Variants in FAM83B observed in about 807,000 individuals in gnomAD.
FAM83B encodes protein FAM83B.
In FAM83B, 26 loss-of-function variants were observed where a neutral mutation model predicts 38.8. That is an observed-to-expected ratio of 0.67 (90% CI 0.49 to 0.93). The LOEUF is 0.93. Among genes scored for constraint, FAM83B ranks in the 40% least tolerant of loss-of-function variants. FAM83B has a pLI of 0.00. For missense variants in FAM83B, 1,237 were observed against 1,197.3 expected (o/e 1.03, Z -0.49); for synonymous variants, 419 against 423.1 (o/e 0.99, Z 0.12).
intron 2 of FAM83B, among the ~76,000 whole-genome samples, chr6:54,923,236 T>C (rs1375373995): frequency 6.6e-6 from 1 of 152,114 alleles, no homozygotes; most frequent in Non-Finnish European, 1.5e-5. Context: ...AATCCTTTAA[T>C]ATCTAATGTT....
chr6:54,902,393 A>G (rs938060609), intron 2 of FAM83B, among the ~76,000 whole-genome samples: 5 of 152,122 alleles, frequency 3.3e-5, no homozygotes, highest in Non-Finnish European at 5.9e-5. Context: ...GACTCTGCCA[A>G]CTTCTACAGG....
At chr6:54,865,451 A>G (rs1321331478) in intron 1 of FAM83B, among the ~76,000 whole-genome samples, 1 of 151,986 alleles carries the variant, frequency 6.6e-6, no homozygotes, top group Non-Finnish European at 1.5e-5. Flanking sequence ...ATCTGCAAAG[A>G]CCCTATTTCC....
intron 2 of FAM83B, among the ~76,000 whole-genome samples, chr6:54,921,706 G>T (rs903221140): frequency 2.0e-5 from 3 of 151,902 alleles, no homozygotes; most frequent in Non-Finnish European, 4.4e-5. Flanking sequence ...ATAGATTGAT[G>T]TACCTTTTGA....
At chr6:54,848,178 G>T (rs957132384) in intron 1 of FAM83B, among the ~76,000 whole-genome samples, 1 of 152,136 alleles carries the variant, frequency 6.6e-6, no homozygotes, top group Admixed American at 6.5e-5. Context: ...ATGATGGAAG[G>T]TTGGGAGTGC....
At chr6:54,885,926 C>G (rs1772264319) in intron 2 of FAM83B, among the ~76,000 whole-genome samples, 2 of 151,364 alleles carry the variant, frequency 1.3e-5, no homozygotes, top group Admixed American at 6.6e-5. Context: ...ATGTAACAAA[C>G]CCGCACGTTG....
chr6:54,857,062 T>A (rs953297428), intron 1 of FAM83B, among the ~76,000 whole-genome samples: 1 of 152,192 alleles, frequency 6.6e-6, no homozygotes, highest in Non-Finnish European at 1.5e-5. Context: ...TATGTAACAA[T>A]TTTACTTTTT....
intron 2 of FAM83B, among the ~76,000 whole-genome samples, chr6:54,888,182 G>A (rs1772323930): frequency 6.6e-6 from 1 of 151,546 alleles, no homozygotes; most frequent in Non-Finnish European, 1.5e-5. Context: ...ACAGTACAAG[G>A]ACCTTTGAAC....
Position 54,940,567 on chromosome 6 carries a change from T to C in FAM83B, c.1596T>C (p.Asn532=), listed in dbSNP as rs1773651319. 2 of 1,614,078 alleles carry C rather than the reference T, an allele frequency of 1.2e-6. No individual in the cohort carries two copies. The highest frequency in any genetic ancestry group is 1.7e-6 in the Non-Finnish European group (2 of 1,180,026). ...ATAATCCTGAGAATTTGAAGGCCAATGCCCTTTATACTCATTCTCGGCTTC... is the reference window on the plus strand; with the variant it reads ...ATAATCCTGAGAATTTGAAGGCCAACGCCCTTTATACTCATTCTCGGCTTC... ...GYDNPENLKA[N]ALYTHSRLRS... The change falls in exon 5 of 5, where the codon AAT becomes AAC. Residue 532 remains asparagine (N), a synonymous_variant. Transcript: ENST00000306858.
At chr6:54,912,213 T>C (rs992638861) in intron 2 of FAM83B, among the ~76,000 whole-genome samples, 2 of 151,972 alleles carry the variant, frequency 1.3e-5, no homozygotes, top group Non-Finnish European at 2.9e-5. Context: ...AATAAAACAA[T>C]TTGGTTTAAT....
chr6:54,932,168 G>C (rs148318688), intron 4 of FAM83B, among the ~76,000 whole-genome samples: 3 of 151,756 alleles, frequency 2.0e-5, no homozygotes, highest in Admixed American at 1.3e-4. Flanking sequence ...GCACCACCAC[G>C]CCTGGGTAAT....
intron 2 of FAM83B, among the ~76,000 whole-genome samples, chr6:54,872,762 G>A (rs1173801844): frequency 6.6e-6 from 1 of 152,168 alleles, no homozygotes; most frequent in South Asian, 2.1e-4. Flanking sequence ...ACTCCCACTT[G>A]AATTAGCGAG....
chr6:54,854,625 A>T lies in FAM83B; in HGVS notation c.-61+7799A>T, dbSNP rs567547071. On this transcript the variant is annotated intron_variant, in intron 1 of 4. Transcript: ENST00000306858. ...TCAGACATAATGCTATTGCACACTT[A>T]ATAAGCCACAGTATAATGTAAACAT... 6.6e-5 allele frequency among the ~76,000 whole-genome samples: 10 copies of T among 152,340 alleles called. No homozygotes were observed. The South Asian group carries it at 2.1e-3, about 32-fold the overall frequency.
chr6:54,874,672 G>A (rs1561910282), intron 2 of FAM83B, among the ~76,000 whole-genome samples: 1 of 152,110 alleles, frequency 6.6e-6, no homozygotes, highest in Non-Finnish European at 1.5e-5. Flanking sequence ...ACTTCTGAGA[G>A]TCTTGAATAT....
chr6:54,881,375 CTG>C (rs1366584749), intron 2 of FAM83B, among the ~76,000 whole-genome samples: 2 of 152,110 alleles, frequency 1.3e-5, no homozygotes, highest in East Asian at 3.9e-4. Context: ...AAATTGGTAA[CTG>C]TACATTTTCT....
chr6:54,851,178 A>C (rs575805199), intron 1 of FAM83B, among the ~76,000 whole-genome samples: 2 of 150,468 alleles, frequency 1.3e-5, no homozygotes, highest in Non-Finnish European at 3.0e-5. Context: ...CTTCCTTTCC[A>C]TTTTCATCTT....
At chr6:54,875,782 A>T (rs2127576639) in intron 2 of FAM83B, among the ~76,000 whole-genome samples, 1 of 152,100 alleles carries the variant, frequency 6.6e-6, no homozygotes, top group East Asian at 1.9e-4. Flanking sequence ...GAGACAGGAG[A>T]GGAGGGAAGG....
chr6:54,908,315 TA>T (rs1213093844), intron 2 of FAM83B, among the ~76,000 whole-genome samples: 6 of 152,110 alleles, frequency 3.9e-5, no homozygotes, highest in Non-Finnish European at 7.4e-5. Flanking sequence ...TGAGCTATTG[TA>T]TTTTCACTGT....
intron 2 of FAM83B, among the ~76,000 whole-genome samples, chr6:54,925,874 A>C (rs1431162575): frequency 6.6e-6 from 1 of 152,162 alleles, no homozygotes; most frequent in Admixed American, 6.5e-5. Flanking sequence ...TTGGTCTTCA[A>C]GTCATCTTAT....
intron 2 of FAM83B, among the ~76,000 whole-genome samples, chr6:54,922,257 C>A (rs1397221914): frequency 2.0e-5 from 3 of 151,826 alleles, no homozygotes; most frequent in Non-Finnish European, 2.9e-5. Context: ...GACTATCTGG[C>A]AAATTAAAAA....
Sources: allele counts gnomAD v4.1 joint callset (sites outside exome capture counted in the v4.1 genomes callset), GRCh38; gene constraint gnomAD v4.1.1; transcripts MANE v1.5; gene names NCBI Gene and HGNC (gene_info 2026-07-23, HGNC 2026-07-21).